CD109: variants seen among roughly 807,000 people sequenced by gnomAD.
CD109 encodes the protein CD109 molecule, also known as CD109 antigen.
In CD109, 149 loss-of-function variants were observed where a neutral mutation model predicts 165.8. The observed-to-expected ratio is 0.90, with a 90% CI of 0.79 to 1.03. CD109 has a LOEUF of 1.03. CD109 is among the 50% of genes least tolerant of loss of function. The pLI, the probability that CD109 is intolerant of heterozygous loss-of-function variation, is 0.00. For synonymous variants in CD109, 585 were observed against 592.1 expected (o/e 0.99, Z 0.18); for missense variants, 1,712 against 1,677.8 (o/e 1.02, Z -0.36).
At chr6:73,737,566 A>G (rs1772594930) in intron 5 of CD109, among the ~76,000 whole-genome samples, 1 of 152,248 alleles carries the variant, frequency 6.6e-6, no homozygotes, top group Admixed American at 6.5e-5. Context: ...CATTAAAGTC[A>G]TGGACAATTT....
the CD109 span, among the ~76,000 whole-genome samples, chr6:73,688,942 T>G: frequency 1.3e-5 from 2 of 151,748 alleles, no homozygotes; most frequent in Non-Finnish European, 2.9e-5. Flanking sequence ...CTAATTTTTT[T>G]GATTTTTAGT....
At chr6:73,729,110 C>T (rs1010740800) in intron 3 of CD109, among the ~76,000 whole-genome samples, 5 of 152,174 alleles carry the variant, frequency 3.3e-5, no homozygotes, top group African/African-American at 1.2e-4. Flanking sequence ...CAATGTGGGC[C>T]TCTCCACAGA....
chr6:73,815,747 C>T (rs578075353), intron 30 of CD109, among the ~76,000 whole-genome samples: 5 of 152,322 alleles, frequency 3.3e-5, no homozygotes, highest in Admixed American at 6.5e-5. Flanking sequence ...CTACCGACTT[C>T]ACAGTAAGAC....
In CD109 at chr6:73,763,671, A is replaced by C. The variant is rs749700855; in HGVS notation, c.1093A>C (p.Asn365His). The change falls in exon 10 of 33, where the codon AAC becomes CAC. Residue 365 changes from asparagine to histidine, a missense_variant. Coordinates refer to ENST00000287097, the MANE Select transcript of CD109 (RefSeq NM_133493.5). ...DYTTVLKPSL[N>H]FTATVKVTRA... ...TACTACTGTCTTGAAGCCATCTCTC[A>C]ACTTCACAGCCACTGTAAGTTGGTA... The C allele has an allele frequency of 1.3e-6, 2 of 1,569,518 alleles. No homozygotes were observed. The highest frequency in any genetic ancestry group is 8.7e-7 in the Non-Finnish European group (1 of 1,148,226).
chr6:73,689,053 A>C, the CD109 span, among the ~76,000 whole-genome samples: 3 of 152,258 alleles, frequency 2.0e-5, no homozygotes, highest in African/African-American at 7.2e-5. Context: ...TACAGGCATG[A>C]GCCACCAAGC....
At chr6:73,727,159 T>C (rs1772170032) in intron 3 of CD109, among the ~76,000 whole-genome samples, 1 of 152,174 alleles carries the variant, frequency 6.6e-6, no homozygotes, top group African/African-American at 2.4e-5. Context: ...GAGAAACTTT[T>C]ATAAAAATTG....
rs768888962 is a variant in CD109, at chr6:73,811,197, G to T, written c.3702+50G>T. The T allele has an allele frequency of 7.1e-6, 11 of 1,558,362 alleles. No individual in the cohort carries two copies. The East Asian group carries it at 1.6e-4, about 23-fold the overall frequency. ...AAAATCAGTGTAGACAATTCTTTAT[G>T]CTGGAATACTGCTTTATTTGTAATC... On this transcript the variant is annotated intron_variant, in intron 28 of 32. Transcript: ENST00000287097.
intron 5 of CD109, among the ~76,000 whole-genome samples, chr6:73,747,042 C>T (rs1773007824): frequency 6.6e-6 from 1 of 152,152 alleles, no homozygotes; most frequent in Non-Finnish European, 1.5e-5. Context: ...GTTGCCTGTG[C>T]CCATCTCATG....
At chr6:73,719,144 G>C (rs1398031578) in intron 2 of CD109, among the ~76,000 whole-genome samples, 1 of 152,130 alleles carries the variant, frequency 6.6e-6, no homozygotes, top group Non-Finnish European at 1.5e-5. Flanking sequence ...AATATGGGGT[G>C]TATTTTACAC....
At chr6:73,781,415 T>C (rs9447019) in intron 17 of CD109, 96 bp downstream of exon 17, 371,203 of 1,031,952 alleles carry the variant, frequency 0.36, 68,786 homozygotes, top group African/African-American at 0.48. Flanking sequence ...AACATAGAGA[T>C]TGTGATTTTC....
chr6:73,798,315 G>A (rs9447030), intron 23 of CD109, among the ~76,000 whole-genome samples: 82,160 of 151,764 alleles, frequency 0.54, 22,746 homozygotes, highest in African/African-American at 0.66. Context: ...GGACTTTGCC[G>A]TATTAGCCAG....
intron 4 of CD109, among the ~76,000 whole-genome samples, chr6:73,731,869 A>G (rs1179238862): frequency 6.6e-6 from 1 of 152,250 alleles, no homozygotes; most frequent in African/African-American, 2.4e-5. Context: ...CACATAGTAC[A>G]TGCTCACTAA....
At chr6:73,784,684 G>A (rs768783563) in intron 19 of CD109, among the ~76,000 whole-genome samples, 4 of 152,184 alleles carry the variant, frequency 2.6e-5, no homozygotes, top group Non-Finnish European at 4.4e-5. Context: ...CAGGTGTGGG[G>A]CTTGGCCTTT....
At chr6:73,683,491 G>A in the CD109 span, among the ~76,000 whole-genome samples, 1 of 152,158 alleles carries the variant, frequency 6.6e-6, no homozygotes, top group Non-Finnish European at 1.5e-5. Flanking sequence ...AAGTCTCTAG[G>A]AAGTTCCAAA....
chr6:73,814,568 G>A (rs1012983615), intron 29 of CD109, among the ~76,000 whole-genome samples: 1 of 152,148 alleles, frequency 6.6e-6, no homozygotes, highest in Admixed American at 6.6e-5. Context: ...CAATGTTTTA[G>A]TTTTGATTTA....
chr6:73,704,986 G>A (rs549439411), intron 2 of CD109, among the ~76,000 whole-genome samples: 3 of 152,254 alleles, frequency 2.0e-5, no homozygotes, highest in Admixed American at 1.3e-4. Context: ...TCCCACCTCT[G>A]CTGACATATT....
chr6:73,733,394 T>C (rs1028192777), intron 4 of CD109, among the ~76,000 whole-genome samples: 7 of 152,236 alleles, frequency 4.6e-5, no homozygotes, highest in Non-Finnish European at 1.0e-4. Flanking sequence ...ATTGTTGTTC[T>C]TGGGGACTGC....
In CD109 at chr6:73,697,534, C is replaced by G. The variant is rs141000744; in HGVS notation, c.209C>G (p.Thr70Ser). The G allele has an allele frequency of 2.5e-5, 40 of 1,614,158 alleles. No homozygotes were observed. The African/African-American group carries it at 4.8e-4, about 19-fold the overall frequency. ...CTGCTCAAGACAGCATCAAACCTCA[C>G]TGTCTCTGTCCTGGAAGCAGAAGGA... ...AELLKTASNLTVSVLEAEGVF... is the reference protein window; with the variant it reads ...AELLKTASNLSVSVLEAEGVF... Residue 70 changes from threonine to serine, a missense_variant, in exon 2 of 33, where the codon ACT (threonine) becomes AGT (serine). Thr to Ser is a moderately conservative substitution (Grantham distance 58). Coordinates refer to ENST00000287097, the MANE Select transcript of CD109 (RefSeq NM_133493.5).
At chr6:73,720,260 G>A (rs992178271) in intron 2 of CD109, among the ~76,000 whole-genome samples, 2 of 152,064 alleles carry the variant, frequency 1.3e-5, no homozygotes, top group South Asian at 4.1e-4. Flanking sequence ...AATAAGCCAA[G>A]CACAGAAAAA....
Sources: gnomAD v4.1 joint callset for allele counts (sites outside exome capture counted in the v4.1 genomes callset) on GRCh38, gnomAD v4.1.1 for gene constraint, MANE v1.5 for transcripts, NCBI Gene and HGNC (gene_info 2026-07-23, HGNC 2026-07-21) for gene names.